The following ZNF33A variants were observed in gnomAD, a reference collection of about 807,000 sequenced individuals.
ZNF33A encodes zinc finger protein 33A.
Under a neutral mutation model 15.9 loss-of-function variants are expected in ZNF33A, and 9 were observed. The ratio of observed to expected loss-of-function variants is 0.57; its 90% CI spans 0.34 to 0.99. ZNF33A has a LOEUF of 0.99. ZNF33A is among the 50% of genes least tolerant of loss of function. ZNF33A has a pLI of 0.02. For synonymous variants in ZNF33A, 294 were observed against 324.2 expected (o/e 0.91, Z 1.00); for missense variants, 843 against 941.6 (o/e 0.90, Z 1.37).
intron 4 of ZNF33A, among the ~76,000 whole-genome samples, chr10:38,048,650 T>C (rs1228911870): frequency 6.6e-6 from 1 of 152,118 alleles, no homozygotes; most frequent in East Asian, 1.9e-4. Context: ...CCAGATGAAA[T>C]AGCTTTCAGA....
At chr10:38,045,953 T>A (rs1040900531) in intron 4 of ZNF33A, among the ~76,000 whole-genome samples, 1 of 152,192 alleles carries the variant, frequency 6.6e-6, no homozygotes, top group South Asian at 2.1e-4. Flanking sequence ...GGGTGAGTGA[T>A]ACTGTGCTTT....
At chr10:38,061,682 A>T (rs2066655607), downstream of ZNF33A, among the ~76,000 whole-genome samples, 1 of 152,158 alleles carries the variant, frequency 6.6e-6, no homozygotes, top group East Asian at 1.9e-4. Flanking sequence ...AACAAATCCC[A>T]GCACTCTGGG....
intron 2 of ZNF33A, among the ~76,000 whole-genome samples, chr10:38,015,536 T>G (rs2064412562): frequency 6.6e-6 from 1 of 152,080 alleles, no homozygotes; most frequent in Non-Finnish European, 1.5e-5. Flanking sequence ...GTCAGGCTGG[T>G]CTCTTAACTC....
chr10:38,020,746 C>A (rs2178958), intron 4 of ZNF33A, among the ~76,000 whole-genome samples: 36,040 of 152,102 alleles, frequency 0.24, 4,446 homozygotes, highest in East Asian at 0.4. Context: ...TGAATGGACA[C>A]TTAGGTTGAT....
At chr10:38,023,727 T>C (rs555664259) in intron 4 of ZNF33A, among the ~76,000 whole-genome samples, 6 of 152,326 alleles carry the variant, frequency 3.9e-5, no homozygotes, top group South Asian at 4.1e-4. Flanking sequence ...GCCACTCTTA[T>C]TCATTGTAGT....
intron 4 of ZNF33A, among the ~76,000 whole-genome samples, chr10:38,026,262 T>A (rs967081068): frequency 3.1e-4 from 6 of 19,204 alleles, no homozygotes; most frequent in African/African-American, 9.6e-4. Context: ...GGAGTAGAAT[T>A]CTTTTATCAA....
At chr10:38,049,707 A>G (rs1162312778) in intron 4 of ZNF33A, among the ~76,000 whole-genome samples, 1 of 152,212 alleles carries the variant, frequency 6.6e-6, no homozygotes, top group Non-Finnish European at 1.5e-5. Flanking sequence ...GTAGAAAAGA[A>G]GACAAATCCA....
intron 2 of ZNF33A, among the ~76,000 whole-genome samples, chr10:38,015,262 T>C (rs899405406): frequency 2.0e-4 from 30 of 152,176 alleles, no homozygotes; most frequent in Admixed American, 9.8e-4. Context: ...CACTATATTA[T>C]AAATGTCTTT....
Position 38,016,995 on chromosome 10 carries a change from A to G in ZNF33A, c.134A>G (p.Tyr45Cys). 6.2e-7 allele frequency: 1 copy of G among 1,606,678 alleles called. No homozygotes were observed. Among genetic ancestry groups the G allele is most frequent in the Non-Finnish European group, 8.5e-7 (1 of 1,177,540 alleles). Residue 45 changes from tyrosine to cysteine, a missense_variant, in exon 3 of 5, where the codon TAC becomes TGC. Transcript: ENST00000432900. Reference protein sequence around the residue: ...ALYRDVMLENYSNLVSVGYCV... With the variant: ...ALYRDVMLENCSNLVSVGYCV... Reference sequence around the variant, plus strand: ...TATAGAGATGTGATGCTGGAGAACTACAGCAACCTTGTCTCAGTGGGTAAG... The same window carrying G: ...TATAGAGATGTGATGCTGGAGAACTGCAGCAACCTTGTCTCAGTGGGTAAG...
intron 4 of ZNF33A, among the ~76,000 whole-genome samples, chr10:38,036,002 T>G (rs1237550912): frequency 6.6e-6 from 1 of 152,156 alleles, no homozygotes. Context: ...TCTCTAATCT[T>G]AAAAGCATAT....
intron 2 of ZNF33A, among the ~76,000 whole-genome samples, chr10:38,012,674 C>CGAT (rs1219504127): frequency 6.6e-6 from 1 of 152,100 alleles, no homozygotes; most frequent in Non-Finnish European, 1.5e-5. Context: ...TCAGTCAATC[C>CGAT]GCCCGCCTTG....
chr10:38,028,870 T>G (rs1250012114), intron 4 of ZNF33A, among the ~76,000 whole-genome samples: 4 of 152,222 alleles, frequency 2.6e-5, no homozygotes, highest in Non-Finnish European at 5.9e-5. Flanking sequence ...CCATGGGGAT[T>G]GCTTTCACAT....
At chr10:38,038,925 TCA>T (rs2065570881) in intron 4 of ZNF33A, among the ~76,000 whole-genome samples, 1 of 152,204 alleles carries the variant, frequency 6.6e-6, no homozygotes, top group South Asian at 2.1e-4. Flanking sequence ...CTAGGATAAA[TCA>T]CACTTGATAA....
chr10:38,056,628 T>C lies in ZNF33A; in HGVS notation c.*68T>C. On this transcript the variant is annotated 3_prime_UTR_variant, in exon 5 of 5. Coordinates refer to ENST00000432900, the MANE Select transcript of ZNF33A (RefSeq NM_006954.2). ...GGGATAAACCCATAGACTACAACAA[T>C]TATAGGACAGCTTTTGTTAGGAAGT... 1 of 1,488,238 alleles carries C rather than the reference T, an allele frequency of 6.7e-7. No individual in the cohort carries two copies. Among genetic ancestry groups the C allele is most frequent in the Non-Finnish European group, 8.9e-7 (1 of 1,125,376 alleles). 92.2% of individuals were successfully genotyped at this position (1,488,238 alleles called of 1,614,324 possible). A position where few individuals can be genotyped will look rare whatever the true frequency, so the allele number is the denominator to read the frequency against.
chr10:38,013,583 C>T (rs185349851), intron 2 of ZNF33A, among the ~76,000 whole-genome samples: 20 of 151,584 alleles, frequency 1.3e-4, no homozygotes, highest in Non-Finnish European at 1.9e-4. Flanking sequence ...CTCAACCTCC[C>T]GAGTAGCTGG....
downstream of ZNF33A, among the ~76,000 whole-genome samples, chr10:38,062,779 G>C (rs948380915): frequency 3.9e-5 from 6 of 151,942 alleles, no homozygotes; most frequent in Non-Finnish European, 5.9e-5. Context: ...CGAGGTGGGC[G>C]GATCACGAGG....
At chr10:38,066,501 C>T (rs890469671), downstream of ZNF33A, among the ~76,000 whole-genome samples, 16 of 152,056 alleles carry the variant, frequency 1.1e-4, no homozygotes, top group African/African-American at 3.9e-4. Flanking sequence ...ATCCACCCGC[C>T]TTGGCCTCCC....
In ZNF33A at chr10:38,057,310, A is replaced by T. The variant is rs2505228; in HGVS notation, c.*750A>T. 9 of 981,690 alleles carry T rather than the reference A, an allele frequency of 9.2e-6. No individual in the cohort carries two copies. Among genetic ancestry groups the T allele is most frequent in the Non-Finnish European group, 1.1e-5 (9 of 826,510 alleles). 60.8% of individuals were successfully genotyped at this position (981,690 alleles called of 1,614,324 possible). On this transcript the variant is annotated 3_prime_UTR_variant, in exon 5 of 5. Transcript: ENST00000432900. The stretch of plus-strand genomic sequence containing the variant: ...ATAACCACACGCTTTCTGCAACCCT[A>T]TCCCTTGCATCCACTTGACTATGAA...
At chr10:38,062,368 A>G (rs187381047), downstream of ZNF33A, among the ~76,000 whole-genome samples, 12 of 152,316 alleles carry the variant, frequency 7.9e-5, no homozygotes, top group African/African-American at 2.4e-4. Flanking sequence ...TGTCTCTTGG[A>G]AATTTGGCAT....
Sources: gnomAD v4.1 joint callset for allele counts (sites outside exome capture counted in the v4.1 genomes callset) on GRCh38, gnomAD v4.1.1 for gene constraint, MANE v1.5 for transcripts, NCBI Gene and HGNC (gene_info 2026-07-23, HGNC 2026-07-21) for gene names.